LCA5: variants seen among roughly 807,000 people sequenced by gnomAD.
The protein encoded by LCA5 is lebercilin LCA5, also known as lebercilin.
A neutral mutation model predicts 53.0 loss-of-function variants in LCA5; 37 were observed. That is an observed-to-expected ratio of 0.70 (90% confidence interval 0.54 to 0.92). LCA5 has a LOEUF of 0.92. Ranked by LOEUF, LCA5 falls within the 40% of genes least tolerant of loss-of-function variation. LCA5 has a pLI of 0.00. For missense variants in LCA5, 806 were observed against 790.5 expected, an observed-to-expected ratio of 1.02 and a Z score of -0.23; for synonymous variants, 303 against 282.9, an observed-to-expected ratio of 1.07 and a Z score of -0.71.
At chr6:79,535,827 T>G (rs576376490) in intron 1 of LCA5, among the ~76,000 whole-genome samples, 2 of 152,158 alleles carry the variant, frequency 1.3e-5, no homozygotes, top group South Asian at 4.1e-4. Context: ...GACGGAAGAC[T>G]GAAGACTGGA....
intron 1 of LCA5, among the ~76,000 whole-genome samples, chr6:79,524,116 T>C (rs1167488084): frequency 1.3e-5 from 2 of 152,176 alleles, no homozygotes; most frequent in African/African-American, 4.8e-5. Flanking sequence ...AATCTACCAA[T>C]AGCCTGAAGT....
chr6:79,502,983 C>T (rs1438154400), intron 3 of LCA5, among the ~76,000 whole-genome samples: 3 of 152,034 alleles, frequency 2.0e-5, no homozygotes, highest in African/African-American at 7.2e-5. Context: ...CAGGTTCAAG[C>T]GATTCTCCTG....
chr6:79,485,629 T>C lies in LCA5; in HGVS notation c.*1375A>G, dbSNP rs766856732. 6.6e-6 allele frequency: 1 copy of C among 152,190 alleles called. No homozygotes were observed. The highest frequency in any genetic ancestry group is 1.5e-5 in the Non-Finnish European group (1 of 68,020). The allele number at this position is 152,190 out of a possible 1,614,324, so 9.4% of individuals were successfully genotyped here. A position where few individuals can be genotyped will look rare whatever the true frequency, so the allele number is the denominator to read the frequency against. On this transcript the variant is annotated 3_prime_UTR_variant, in exon 8 of 8. Transcript: ENST00000369846. ...ATGCAATGAAATTCAATAATATGCATTTATAAGAACTCAGAATAACACAGT... is the reference window on the plus strand; with the variant it reads ...ATGCAATGAAATTCAATAATATGCACTTATAAGAACTCAGAATAACACAGT...
At chr6:79,525,448 C>G (rs1470693711) in intron 1 of LCA5, among the ~76,000 whole-genome samples, 2 of 152,180 alleles carry the variant, frequency 1.3e-5, no homozygotes, top group Admixed American at 1.3e-4. Context: ...GGAGAGTGGT[C>G]ATAGCCATCT....
In LCA5 at chr6:79,487,547, T is replaced by C. The variant is rs113907906; in HGVS notation, c.1551A>G (p.Arg517=). ...CTTGCAAATGATGCCCATTAAATAATCTCTCTGAGGATTCAGAGAACCTGT... is the reference window on the plus strand; with the variant it reads ...CTTGCAAATGATGCCCATTAAATAACCTCTCTGAGGATTCAGAGAACCTGT... ...KTYRFSESSE[R]LFNGHHLQDI... The change falls in exon 8 of 8, where the codon AGA becomes AGG. Residue 517 remains arginine, a synonymous_variant. Coordinates refer to ENST00000369846, the MANE Select transcript of LCA5 (RefSeq NM_001122769.3). 1.2e-6 allele frequency: 2 copies of C among 1,613,904 alleles called. No individual in the cohort carries two copies. The highest frequency in any genetic ancestry group is 1.7e-6 in the Non-Finnish European group (2 of 1,179,830).
intron 7 of LCA5, 129 bp from the exon 8 acceptor site, chr6:79,487,995 T>C: frequency 2.8e-6 from 2 of 718,620 alleles, no homozygotes; most frequent in Non-Finnish European, 2.3e-6. Flanking sequence ...AAAGACATCA[T>C]AAATTTCATT....
intron 1 of LCA5, among the ~76,000 whole-genome samples, chr6:79,525,700 A>T (rs1368502451): frequency 2.0e-5 from 3 of 152,264 alleles, no homozygotes; most frequent in Admixed American, 6.5e-5. Flanking sequence ...TCAGAGATCA[A>T]ATGAAAAAAT....
chr6:79,533,089 T>A (rs1767004343), intron 1 of LCA5, among the ~76,000 whole-genome samples: 1 of 152,142 alleles, frequency 6.6e-6, no homozygotes. Context: ...GCTGAAATAT[T>A]TTTTTCTAGG....
At chr6:79,502,609 T>C (rs1301633966) in intron 3 of LCA5, among the ~76,000 whole-genome samples, 1 of 152,158 alleles carries the variant, frequency 6.6e-6, no homozygotes, top group Non-Finnish European at 1.5e-5. Flanking sequence ...AAAAAACAAT[T>C]AGTATCTTTT....
At position 79,486,720 on chromosome 6, in the gene LCA5, T is replaced by G. The variant is rs974101892; in HGVS notation, c.*284A>C. On this transcript the variant is annotated 3_prime_UTR_variant, in exon 8 of 8. Coordinates refer to ENST00000369846, the MANE Select transcript of LCA5 (RefSeq NM_001122769.3). ...AGTAGAAAAGGAATACCACCTCCAG[T>G]GCAGTTAAACTTGCCATAGCACTGG... 1.3e-5 allele frequency: 4 copies of G among 307,990 alleles called. No individual in the cohort carries two copies. Among genetic ancestry groups the G allele is most frequent in the Non-Finnish European group, 1.2e-5 (2 of 169,314 alleles). The allele number at this position is 307,990 out of a possible 1,614,324, so 19.1% of individuals were successfully genotyped here. A position where few individuals can be genotyped will look rare whatever the true frequency, so the allele number is the denominator to read the frequency against.
intron 1 of LCA5, among the ~76,000 whole-genome samples, chr6:79,530,745 T>G (rs1766935392): frequency 6.6e-6 from 1 of 152,170 alleles, no homozygotes; most frequent in Non-Finnish European, 1.5e-5. Flanking sequence ...AAAATTCACT[T>G]GTAAAAAATT....
intron 3 of LCA5, among the ~76,000 whole-genome samples, chr6:79,498,441 T>G (rs1770042834): frequency 6.6e-6 from 1 of 152,016 alleles, no homozygotes; most frequent in African/African-American, 2.4e-5. Context: ...TGAGAACATG[T>G]TAAAAAAAAT....
intron 3 of LCA5, among the ~76,000 whole-genome samples, chr6:79,511,883 G>A (rs1453945608): frequency 2.0e-5 from 3 of 152,062 alleles, no homozygotes; most frequent in Non-Finnish European, 4.4e-5. Flanking sequence ...AGAATCCACA[G>A]GCTTCGTCCC....
Position 79,513,328 on chromosome 6 carries a change from A to G in LCA5, c.604T>C (p.Ser202Pro). ...TESELFRTKF[S>P]LQKLKEISEA... ...GAGATCTCTTTCAGTTTCTGTAAGG[A>G]AAATTTTGTCCTAAATAGTTCACTT... The change falls in exon 3 of 8, where the codon TCC becomes CCC. Residue 202 changes from serine (S) to proline (P), a missense_variant. Ser to Pro is a moderately conservative substitution (Grantham distance 74, BLOSUM62 -1). Transcript: ENST00000369846. The G allele has an allele frequency of 6.2e-7, 1 of 1,613,848 alleles. No homozygotes were observed. The highest frequency in any genetic ancestry group is 8.5e-7 in the Non-Finnish European group (1 of 1,179,866).
At chr6:79,496,250 C>G (rs1455265805) in intron 3 of LCA5, among the ~76,000 whole-genome samples, 1 of 152,184 alleles carries the variant, frequency 6.6e-6, no homozygotes, top group Admixed American at 6.5e-5. Flanking sequence ...TATAATGGTA[C>G]AACCATTTTG....
At chr6:79,514,346 A>G (rs900176939) in intron 2 of LCA5, among the ~76,000 whole-genome samples, 1 of 152,128 alleles carries the variant, frequency 6.6e-6, no homozygotes, top group Non-Finnish European at 1.5e-5. Flanking sequence ...GACTATTATT[A>G]AAAAGTAAAA....
chr6:79,506,320 A>G (rs1175936378), intron 3 of LCA5, among the ~76,000 whole-genome samples: 2 of 152,230 alleles, frequency 1.3e-5, no homozygotes, highest in Non-Finnish European at 2.9e-5. Flanking sequence ...CCTTTTAATA[A>G]TAATGTACAT....
At chr6:79,500,335 A>G (rs1368474768) in intron 3 of LCA5, among the ~76,000 whole-genome samples, 1 of 152,196 alleles carries the variant, frequency 6.6e-6, no homozygotes. Context: ...GTTAATGGAA[A>G]GAAATAAAGG....
chr6:79,518,942 TC>T lies in LCA5; in HGVS notation c.-49del. On this transcript the variant is annotated 5_prime_UTR_variant, in exon 2 of 8. It removes the in-frame stop codon of an upstream open reading frame in the 5' UTR. Transcript: ENST00000369846. The stretch of plus-strand genomic sequence containing the variant: ...TCACATAATTTCACAGATTATTTTC[TC>T]CAGAGGAGACTATGACAATACTGAA... 6.4e-7 allele frequency: 1 copy of T among 1,565,862 alleles called. No individual in the cohort carries two copies. The highest frequency in any genetic ancestry group is 8.8e-7 in the Non-Finnish European group (1 of 1,135,990).
Sources: allele counts gnomAD v4.1 joint callset (sites outside exome capture counted in the v4.1 genomes callset), GRCh38; gene constraint gnomAD v4.1.1; transcripts MANE v1.5; gene names NCBI Gene and HGNC (gene_info 2026-07-23, HGNC 2026-07-21).